Variants in SLC4A1AP observed in about 807,000 individuals in gnomAD.
SLC4A1AP encodes kanadaptin.
Under a neutral mutation model 89.7 loss-of-function variants are expected in SLC4A1AP, and 64 were observed. That is an observed-to-expected ratio of 0.71 (90% CI 0.58 to 0.88). The LOEUF is 0.88. Among genes scored for constraint, SLC4A1AP ranks in the 40% least tolerant of loss-of-function variants. SLC4A1AP has a pLI of 0.00. For missense variants in SLC4A1AP, 931 were observed against 965.0 expected (o/e 0.96, Z 0.47); for synonymous variants, 366 against 353.3 (o/e 1.04, Z -0.40).
exon 1 of SLC4A1AP, chr2:27,664,337 T>C (rs1212218734): frequency 6.2e-7 from 1 of 1,614,058 alleles, no homozygotes; most frequent in Non-Finnish European, 8.5e-7. Flanking sequence ...GGAGGCTGTC[T>C]GGCTGCGACG....
At chr2:27,683,514 C>CTCT (rs1011818026) in intron 9 of SLC4A1AP, among the ~76,000 whole-genome samples, 1 of 152,066 alleles carries the variant, frequency 6.6e-6, no homozygotes, top group Non-Finnish European at 1.5e-5. Flanking sequence ...CTCCTGGTGT[C>CTCT]TCTTCTTCTT....
intron 5 of SLC4A1AP, among the ~76,000 whole-genome samples, chr2:27,674,566 T>A (rs1286264941): frequency 6.6e-6 from 1 of 151,106 alleles, no homozygotes. Context: ...ATCTAATTTT[T>A]AAATTTGTAC....
chr2:27,669,165 A>T (rs1675381046), intron 4 of SLC4A1AP, 83 bp from the exon 5 acceptor site: 1 of 1,417,988 alleles, frequency 7.1e-7, no homozygotes, highest in Non-Finnish European at 9.5e-7. Context: ...TAAAAAAAAA[A>T]TGACTATTAT....
At chr2:27,666,751 G>C (rs192713442) in intron 2 of SLC4A1AP, among the ~76,000 whole-genome samples, 27 of 151,882 alleles carry the variant, frequency 1.8e-4, no homozygotes, top group Non-Finnish European at 2.5e-4. Context: ...GTTTTGACTT[G>C]TCACACAATT....
intron 5 of SLC4A1AP, among the ~76,000 whole-genome samples, chr2:27,674,132 C>T (rs568882759): frequency 6.6e-6 from 1 of 152,224 alleles, no homozygotes; most frequent in South Asian, 2.1e-4. Flanking sequence ...ACTTAACAGT[C>T]TCTCACTTTA....
At chr2:27,685,385 G>C in intron 10 of SLC4A1AP, 108 bp downstream of exon 10, 1 of 1,364,242 alleles carries the variant, frequency 7.3e-7, no homozygotes, top group Non-Finnish European at 9.9e-7. Context: ...GACTTTGTAT[G>C]TGATATACTG....
chr2:27,686,731 G>A (rs1373688153), intron 10 of SLC4A1AP, among the ~76,000 whole-genome samples: 1 of 152,178 alleles, frequency 6.6e-6, no homozygotes, highest in Non-Finnish European at 1.5e-5. Flanking sequence ...TTGAGATCAT[G>A]CCACTGCTCT....
At chr2:27,694,530 CT>C in intron 13 of SLC4A1AP, 103 bp from the exon 14 acceptor site, 4 of 754,714 alleles carry the variant, frequency 5.3e-6, no homozygotes, top group Non-Finnish European at 8.0e-6. Context: ...TAGAATAAAC[CT>C]TTTTGTCTAT....
chr2:27,685,047 C>T (rs772898260), exon 10 of SLC4A1AP: 2 of 1,603,794 alleles, frequency 1.2e-6, no homozygotes, highest in South Asian at 1.1e-5. Context: ...AAGTTACCCC[C>T]CAAGCGTCCA....
exon 8 of SLC4A1AP, chr2:27,677,894 T>A: frequency 6.2e-7 from 1 of 1,607,598 alleles, no homozygotes; most frequent in South Asian, 1.1e-5. Context: ...ATAAAAATTG[T>A]AAAGCCAGCA....
exon 3 of SLC4A1AP, chr2:27,667,348 A>G (rs1207612764): frequency 6.2e-7 from 1 of 1,613,598 alleles, no homozygotes; most frequent in East Asian, 2.2e-5. Flanking sequence ...CTTTTATATA[A>G]AGGATCCCAA....
At chr2:27,665,076 AC>A (rs771104499) in intron 1 of SLC4A1AP, 23 bp from the exon 2 acceptor site, 63 of 1,578,196 alleles carry the variant, frequency 4.0e-5, no homozygotes, top group Non-Finnish European at 5.4e-5. Flanking sequence ...TAAATAAATA[AC>A]CTTTTTTTCC....
At chr2:27,677,320 G>C (rs1675539735) in exon 7 of SLC4A1AP, 1 of 1,613,532 alleles carries the variant, frequency 6.2e-7, no homozygotes, top group Non-Finnish European at 8.5e-7. Flanking sequence ...GATGCTGAAA[G>C]GGAACTTTCT....
intron 9 of SLC4A1AP, among the ~76,000 whole-genome samples, chr2:27,683,540 G>A (rs1366287155): frequency 6.6e-6 from 1 of 152,086 alleles, no homozygotes; most frequent in Non-Finnish European, 1.5e-5. Context: ...AAGGACATGA[G>A]TCATACTGAG....
intron 5 of SLC4A1AP, among the ~76,000 whole-genome samples, chr2:27,673,990 TTGTGTGTGTGTG>T (rs56759152): frequency 0.025 from 3,709 of 148,636 alleles, 69 homozygotes; most frequent in African/African-American, 0.036. Flanking sequence ...CATATACAAG[TTGTGTGTGTGTG>T]TGTGTGTGTG....
chr2:27,682,343 A>G, exon 9 of SLC4A1AP: 1 of 1,610,820 alleles, frequency 6.2e-7, no homozygotes, highest in Non-Finnish European at 8.5e-7. Flanking sequence ...TTCAAATTAA[A>G]AACTGGAACA....
At chr2:27,690,695 C>T (rs1919130) in intron 12 of SLC4A1AP, among the ~76,000 whole-genome samples, 3,920 of 152,054 alleles carry the variant, frequency 0.026, 420 homozygotes, top group Admixed American at 0.2. Flanking sequence ...TGTTTTGTTG[C>T]CCGGGCTGGT....
At chr2:27,672,294 G>GT (rs1289443933) in intron 5 of SLC4A1AP, among the ~76,000 whole-genome samples, 4 of 151,376 alleles carry the variant, frequency 2.6e-5, no homozygotes, top group East Asian at 3.9e-4. Context: ...GACCATTTAA[G>GT]TTTTTTTTCT....
chr2:27,686,963 GGCACAT>G (rs749143914), intron 10 of SLC4A1AP, among the ~76,000 whole-genome samples: 21 of 152,052 alleles, frequency 1.4e-4, no homozygotes, highest in Non-Finnish European at 2.6e-4. Flanking sequence ...GACCTCCCAA[GGCACAT>G]GCTTGTAGAG....
Sources: allele counts gnomAD v4.1 joint callset (sites outside exome capture counted in the v4.1 genomes callset), GRCh38; gene constraint gnomAD v4.1.1; transcripts MANE v1.5; gene names NCBI Gene and HGNC (gene_info 2026-07-23, HGNC 2026-07-21).